The following MYO16 variants were observed in gnomAD, a reference collection of about 807,000 sequenced individuals.
The protein encoded by MYO16 is unconventional myosin-XVI.
In MYO16, 94 loss-of-function variants were observed where a neutral mutation model predicts 205.3. The ratio of observed to expected loss-of-function variants is 0.46; its 90% CI spans 0.39 to 0.54. The LOEUF (loss-of-function observed/expected upper bound fraction) is 0.54. MYO16 is among the 20% of genes least tolerant of loss of function. The pLI is 0.00. For missense variants in MYO16, 2,315 were observed against 2,387.5 expected (o/e 0.97, Z 0.63); for synonymous variants, 988 against 954.0 (o/e 1.04, Z -0.66).
intron 4 of MYO16, among the ~76,000 whole-genome samples, chr13:108,770,004 G>T (rs934404087): frequency 1.3e-5 from 2 of 151,956 alleles, no homozygotes; most frequent in African/African-American, 4.8e-5. Context: ...AAAAATCAAT[G>T]TGTAAAAATA....
intron 23 of MYO16, among the ~76,000 whole-genome samples, chr13:109,022,405 G>A (rs372753223): frequency 2.7e-5 from 3 of 112,108 alleles, no homozygotes; most frequent in African/African-American, 7.2e-5. Flanking sequence ...ATGTATATAT[G>A]TATATATTGT....
chr13:109,159,749 T>C (rs1335260013), intron 32 of MYO16, among the ~76,000 whole-genome samples: 1 of 152,148 alleles, frequency 6.6e-6, no homozygotes, highest in Admixed American at 6.5e-5. Context: ...CTGAACACAG[T>C]GCAGCTGCCA....
At chr13:108,941,077 A>C (rs1376360858) in intron 16 of MYO16, among the ~76,000 whole-genome samples, 1 of 152,096 alleles carries the variant, frequency 6.6e-6, no homozygotes, top group African/African-American at 2.4e-5. Flanking sequence ...CACAGGCTGG[A>C]AACAAAAATG....
At chr13:108,581,007 T>C in the MYO16 span, among the ~76,000 whole-genome samples, 1 of 152,194 alleles carries the variant, frequency 6.6e-6, no homozygotes, top group East Asian at 1.9e-4. Flanking sequence ...AAATGTAAAA[T>C]TAAGTTTTTT....
At chr13:108,947,763 A>G (rs1882993929) in intron 16 of MYO16, among the ~76,000 whole-genome samples, 1 of 152,372 alleles carries the variant, frequency 6.6e-6, no homozygotes, top group East Asian at 1.9e-4. Context: ...TAAGGTGTCA[A>G]GAGTTTTGAA....
intron 12 of MYO16, among the ~76,000 whole-genome samples, chr13:108,871,322 T>TGGTGTGTGTG (rs1879042455): frequency 7.6e-6 from 1 of 131,472 alleles, no homozygotes; most frequent in Admixed American, 7.7e-5. Context: ...CTATGTGACT[T>TGGTGTGTGTG]TGTGTGTGTG....
chr13:109,055,343 C>T lies in MYO16; in HGVS notation c.3130-47C>T, dbSNP rs1887381551. On this transcript the variant is annotated intron_variant, in intron 26 of 34. Transcript: ENST00000457511. The surrounding 1 kb of genome is among the most constrained non-coding windows in gnomAD (Gnocchi z 5.0). ...TTTAAAAACTGCTTTATATTTTTAG[C>T]TAGTGTCTCCTTTGGAGAATCAGTT... The T allele has an allele frequency of 1.4e-6, 2 of 1,446,406 alleles. No individual in the cohort carries two copies. Among genetic ancestry groups the T allele is most frequent in the Admixed American group, 2.0e-5 (1 of 48,948 alleles). The allele number at this position is 1,446,406 out of a possible 1,614,324, so 89.6% of individuals were successfully genotyped here. A position where few individuals can be genotyped will look rare whatever the true frequency, so the allele number is the denominator to read the frequency against.
chr13:108,756,258 C>A (rs1885419522), intron 4 of MYO16, among the ~76,000 whole-genome samples: 2 of 151,964 alleles, frequency 1.3e-5, no homozygotes, highest in Non-Finnish European at 2.9e-5. Flanking sequence ...GCATACAATT[C>A]AAAAAGATGT....
rs186740385 is a variant in MYO16, at chr13:108,661,578, G to A, written c.29-4308G>A. On this transcript the variant is annotated intron_variant, in intron 1 of 34. Coordinates refer to ENST00000457511, the MANE Select transcript of MYO16 (RefSeq NM_001198950.3). ...CTTCTACTTGTTCACTTCTATTGCCGAGACTTTCCTGAGCATTTTGCATTT... is the reference window on the plus strand; with the variant it reads ...CTTCTACTTGTTCACTTCTATTGCCAAGACTTTCCTGAGCATTTTGCATTT... 1.1e-4 allele frequency among the ~76,000 whole-genome samples: 16 copies of A among 152,146 alleles called. No homozygotes were observed. In the East Asian group the frequency reaches 1.5e-3, roughly 15 times the overall value.
intron 1 of MYO16, among the ~76,000 whole-genome samples, chr13:108,624,234 G>C (rs1399495414): frequency 6.6e-6 from 1 of 152,132 alleles, no homozygotes; most frequent in East Asian, 1.9e-4. Flanking sequence ...AATGTATAGA[G>C]ATCTGTTCAA....
At chr13:108,820,255 T>C (rs1875891886) in intron 7 of MYO16, 82 bp from the exon 8 acceptor site, 2 of 1,019,438 alleles carry the variant, frequency 2.0e-6, no homozygotes, top group Admixed American at 2.0e-5. Flanking sequence ...GGCTGTTAGT[T>C]GGACAGCACA....
chr13:108,629,038 T>C (rs1426215738), upstream of MYO16, among the ~76,000 whole-genome samples: 1 of 152,224 alleles, frequency 6.6e-6, no homozygotes, highest in Non-Finnish European at 1.5e-5. Context: ...TCCAATTCAG[T>C]CAGATTTACT....
intron 21 of MYO16, among the ~76,000 whole-genome samples, chr13:109,006,013 G>A (rs1008721122): frequency 8.5e-5 from 13 of 152,258 alleles, no homozygotes; most frequent in African/African-American, 2.6e-4. Flanking sequence ...GAGTGACCTC[G>A]TGCTGGTCAC....
intron 4 of MYO16, among the ~76,000 whole-genome samples, chr13:108,762,908 A>G (rs1885656953): frequency 6.6e-6 from 1 of 151,956 alleles, no homozygotes; most frequent in African/African-American, 2.4e-5. Context: ...CATGGCAGTC[A>G]AATTTACCTG....
rs113054874 is a variant in MYO16 at position 109,199,692 on chromosome 13, C to T, written c.5416-6917C>T. Reference sequence around the variant, plus strand: ...CCAAACTCACGCTGCCAGCAGCATCCTTAATCCCCAGAGGCAGTTTTTCTC... The same window carrying T: ...CCAAACTCACGCTGCCAGCAGCATCTTTAATCCCCAGAGGCAGTTTTTCTC... On this transcript the variant is annotated intron_variant, in intron 34 of 34. Transcript: ENST00000457511. Among the ~76,000 whole-genome samples the T allele has an allele frequency of 5.4e-3, 827 of 152,262 alleles. 9 individuals are homozygous for T. The highest frequency in any genetic ancestry group is 0.018 in the African/African-American group (765 of 41,556).
At chr13:108,616,535 C>G (rs1397545861) in intron 1 of MYO16, among the ~76,000 whole-genome samples, 1 of 152,066 alleles carries the variant, frequency 6.6e-6, no homozygotes, top group Non-Finnish European at 1.5e-5. Flanking sequence ...GGCAGTAATC[C>G]TTTTTCCCTT....
At chr13:108,811,732 C>T (rs1887299914) in intron 7 of MYO16, among the ~76,000 whole-genome samples, 2 of 152,096 alleles carry the variant, frequency 1.3e-5, no homozygotes, top group African/African-American at 4.8e-5. Context: ...AAGCTATAAT[C>T]ACCACCAGTC....
At chr13:109,064,920 C>T (rs1463741531) in intron 27 of MYO16, among the ~76,000 whole-genome samples, 1 of 152,216 alleles carries the variant, frequency 6.6e-6, no homozygotes, top group Non-Finnish European at 1.5e-5. Flanking sequence ...TCCCCAAACT[C>T]AGTGGCATAA....
rs1555309571 is a variant in MYO16 at position 108,890,102 on chromosome 13, G to GCA, written c.1659+1625_1659+1626insCA. Among the ~76,000 whole-genome samples the GCA allele has an allele frequency of 6.1e-5, 4 of 65,732 alleles. No homozygotes were observed. In the South Asian group the frequency reaches 2.4e-3, roughly 39 times the overall value. 43.1% of individuals were successfully genotyped at this position (65,732 alleles called of 152,430 possible). A position where few individuals can be genotyped will look rare whatever the true frequency, so the allele number is the denominator to read the frequency against. On this transcript the variant is annotated intron_variant, in intron 14 of 34. Transcript: ENST00000457511. Reference sequence around the variant, plus strand: ...ATGTGTCTCTGCCTAGCTAATTTTTGTATTTTTTTTTTTTTTTTTTTTTGT... The same window carrying GCA: ...ATGTGTCTCTGCCTAGCTAATTTTTGCATATTTTTTTTTTTTTTTTTTTTTGT...
Sources: gnomAD v4.1 joint callset for allele counts (sites outside exome capture counted in the v4.1 genomes callset) on GRCh38, gnomAD v4.1.1 for gene constraint, Gnocchi (gnomAD v3.1) non-coding constraint, MANE v1.5 for transcripts, NCBI Gene and HGNC (gene_info 2026-07-23, HGNC 2026-07-21) for gene names.